The following CCDC9 variants were observed in gnomAD, a reference collection of about 807,000 sequenced individuals.
The protein encoded by CCDC9 is coiled-coil domain containing 9.
A neutral mutation model predicts 65.6 loss-of-function variants in CCDC9; 52 were observed. The ratio of observed to expected loss-of-function variants is 0.79; its 90% CI spans 0.63 to 1.00. CCDC9 has a LOEUF of 1.00. Ranked by LOEUF, CCDC9 falls within the 50% of genes least tolerant of loss-of-function variation. The pLI is 0.00. For synonymous variants in CCDC9, 332 were observed against 280.3 expected, an observed-to-expected ratio of 1.18 and a Z score of -1.84; for missense variants, 834 against 757.2, an observed-to-expected ratio of 1.10 and a Z score of -1.19.
chr19:47,272,399 G>A (rs2059129751), downstream of CCDC9, among the ~76,000 whole-genome samples: 1 of 152,104 alleles, frequency 6.6e-6, no homozygotes, highest in African/African-American at 2.4e-5. Context: ...AGGTTGAGGA[G>A]GTGGGGTTAA....
In CCDC9 at chr19:47,258,618, C is replaced by G; in HGVS notation, c.63C>G (p.Ile21Met). Residue 21 changes from isoleucine (I) to methionine (M), a missense_variant, in exon 3 of 12, where the codon ATC (isoleucine) becomes ATG (methionine). By Grantham distance (10) the Ile-to-Met change is conservative. Transcript: ENST00000221922. The stretch of plus-strand genomic sequence containing the variant: ...AGGATGCTGAGTTGGACAAGAGGAT[C>G]GAGGCTCTTCGGCGGAAGAATGAGG... ...EEKDAELDKRIEALRRKNEAL... is the reference protein window; with the variant it reads ...EEKDAELDKRMEALRRKNEAL... The G allele has an allele frequency of 6.2e-7, 1 of 1,614,136 alleles. No individual in the cohort carries two copies. The highest frequency in any genetic ancestry group is 8.5e-7 in the Non-Finnish European group (1 of 1,180,004).
At position 47,258,565 on chromosome 19, in the gene CCDC9, A is replaced by G; in HGVS notation, c.10A>G (p.Thr4Ala). 3 of 1,613,924 alleles carry G rather than the reference A, an allele frequency of 1.9e-6. No homozygotes were observed. Among genetic ancestry groups the G allele is most frequent in the Non-Finnish European group, 2.5e-6 (3 of 1,179,838 alleles). The change falls in exon 3 of 12, where the codon ACA becomes GCA. Residue 4 changes from threonine (T) to alanine (A), a missense_variant. Transcript: ENST00000221922. ...AACTGCCTCCCGGTCTCAGGCAGCC[A>G]CACTCGATTTGAAATCAAAGGAGGA... MAA[T>A]LDLKSKEEKD...
chr19:47,257,293 C>CG (rs1010781019), intron 1 of CCDC9, among the ~76,000 whole-genome samples: 128 of 133,598 alleles, frequency 9.6e-4, no homozygotes, highest in Admixed American at 3.7e-3. Context: ...CTGGGCAGGC[C>CG]GGGGGCGGGG....
At chr19:47,257,682 C>G (rs1291888130) in intron 1 of CCDC9, 2 of 153,572 alleles carry the variant, frequency 1.3e-5, no homozygotes, top group Non-Finnish European at 1.4e-5. Flanking sequence ...GTACAGAATC[C>G]TTTCGGGGGA....
chr19:47,264,734 C>T lies in CCDC9; in HGVS notation c.547-39C>T, dbSNP rs372655114. On this transcript the variant is annotated intron_variant, in intron 6 of 11. Transcript: ENST00000221922. ...AGGCAGGGCCGAGCTGCCTGGGCTG[C>T]GGGGAGCCCGCGCCAACCCCCTGCT... 217 of 1,602,214 alleles carry T rather than the reference C, an allele frequency of 1.4e-4. 1 individual carries two copies. The highest frequency in any genetic ancestry group is 1.7e-4 in the Non-Finnish European group (195 of 1,174,940).
chr19:47,266,516 C>T lies in CCDC9; in HGVS notation c.721-95C>T, dbSNP rs752538125. On this transcript the variant is annotated intron_variant, in intron 7 of 11. Transcript: ENST00000221922. Reference sequence around the variant, plus strand: ...TGTGATCTCTGCCTTGTCATCGCTTCCCTGTGTGATCCTGAGCAAGTGGAT... The same window carrying T: ...TGTGATCTCTGCCTTGTCATCGCTTTCCTGTGTGATCCTGAGCAAGTGGAT... 2.4e-4 allele frequency: 337 copies of T among 1,433,362 alleles called. 1 individual carries two copies. The highest frequency in any genetic ancestry group is 6.7e-4 in the South Asian group (44 of 65,702). The allele number at this position is 1,433,362 out of a possible 1,614,324, so 88.8% of individuals were successfully genotyped here. A position where few individuals can be genotyped will look rare whatever the true frequency, so the allele number is the denominator to read the frequency against.
chr19:47,266,934 T>C, intron 8 of CCDC9, 142 bp downstream of exon 8: 3 of 1,010,688 alleles, frequency 3.0e-6, no homozygotes, highest in African/African-American at 3.3e-5. Context: ...GACCAGCTGC[T>C]GGAGCTCAGC....
At chr19:47,262,659 G>C (rs893505284) in intron 5 of CCDC9, among the ~76,000 whole-genome samples, 3 of 152,166 alleles carry the variant, frequency 2.0e-5, no homozygotes, top group Admixed American at 1.3e-4. Context: ...TGTCCTGTTG[G>C]TGAGAACTTA....
chr19:47,258,187 T>C (rs2123438118), intron 1 of CCDC9, 143 bp from the exon 2 acceptor site: 1 of 598,996 alleles, frequency 1.7e-6, no homozygotes, highest in Non-Finnish European at 3.0e-6. Context: ...GAGGTGGCAG[T>C]TGAAAGGAGG....
At chr19:47,265,920 T>C (rs2059078632) in intron 7 of CCDC9, among the ~76,000 whole-genome samples, 1 of 147,108 alleles carries the variant, frequency 6.8e-6, no homozygotes, top group Non-Finnish European at 1.5e-5. Flanking sequence ...TCTCCTGACC[T>C]CGTGATCTGC....
intron 8 of CCDC9, among the ~76,000 whole-genome samples, chr19:47,269,705 G>A (rs1339725224): frequency 6.6e-6 from 1 of 152,110 alleles, no homozygotes; most frequent in East Asian, 1.9e-4. Context: ...GTGAGGGAGT[G>A]AGCCAGTGAA....
At chr19:47,257,064 GTGCTGGCGGGGAA>G (rs2059014933) in intron 1 of CCDC9, among the ~76,000 whole-genome samples, 1 of 149,830 alleles carries the variant, frequency 6.7e-6, no homozygotes, top group Non-Finnish European at 1.5e-5. Flanking sequence ...CGGGGCCAGG[GTGCTGGCGGGGAA>G]TGCTGGGGGT....
chr19:47,260,005 T>C (rs1387433623), intron 3 of CCDC9, among the ~76,000 whole-genome samples: 2 of 152,104 alleles, frequency 1.3e-5, no homozygotes, highest in Non-Finnish European at 2.9e-5. Flanking sequence ...GGTTTCAGCC[T>C]GGTATGTTGT....
chr19:47,268,979 G>A (rs756445128), intron 8 of CCDC9, among the ~76,000 whole-genome samples: 2 of 151,786 alleles, frequency 1.3e-5, no homozygotes, highest in Non-Finnish European at 2.9e-5. Context: ...GCTCATGCTT[G>A]TAATCCCCAC....
intron 2 of CCDC9, 57 bp from the exon 3 acceptor site, chr19:47,258,502 G>A: frequency 6.2e-7 from 1 of 1,605,008 alleles, no homozygotes; most frequent in South Asian, 1.1e-5. Flanking sequence ...CTGGGGGAAA[G>A]TCCCTGGTAT....
chr19:47,271,319 G>C lies in CCDC9; in HGVS notation c.1237G>C (p.Gly413Arg), dbSNP rs1179825274. The change falls in exon 12 of 12, where the codon GGG (glycine) becomes CGG (arginine). Residue 413 changes from glycine (G) to arginine (R), a missense_variant. Physicochemically the swap from Gly to Arg is moderately radical, Grantham distance 125 (BLOSUM62 -2). Transcript: ENST00000221922. Reference sequence around the variant, plus strand: ...TGCCCACCGGCCTCCTGAAGACGAGGGGGAAGAGAATGAGGGGGAAGAGGA... The same window carrying C: ...TGCCCACCGGCCTCCTGAAGACGAGCGGGAAGAGAATGAGGGGGAAGAGGA... The part of the protein sequence containing the change: ...APAHRPPEDE[G>R]EENEGEEDEE... 6 of 1,612,214 alleles carry C rather than the reference G, an allele frequency of 3.7e-6. No homozygotes were observed. Among genetic ancestry groups the C allele is most frequent in the Non-Finnish European group, 5.1e-6 (6 of 1,179,188 alleles).
At chr19:47,270,900 CCTG>C (rs2059112375) in intron 10 of CCDC9, among the ~76,000 whole-genome samples, 179 bp from the exon 11 acceptor site, 1 of 152,116 alleles carries the variant, frequency 6.6e-6, no homozygotes, top group Non-Finnish European at 1.5e-5. Flanking sequence ...CATCTCCTCT[CCTG>C]CTACCTGCCC....
chr19:47,271,102 A>G lies in CCDC9; in HGVS notation c.1106A>G (p.Glu369Gly), dbSNP rs2059113450. The change falls in exon 11 of 12, where the codon GAG (glutamate) becomes GGG (glycine). Residue 369 changes from glutamate to glycine, a missense_variant. Coordinates refer to ENST00000221922, the MANE Select transcript of CCDC9 (RefSeq NM_015603.3). Reference protein sequence around the residue: ...RAYSDHDDRWETKEGAASPAP... With the variant: ...RAYSDHDDRWGTKEGAASPAP... Reference sequence around the variant, plus strand: ...TCTAGTGACCATGATGACCGCTGGGAGACAAAAGAAGGGGCAGCATCCCCA... The same window carrying G: ...TCTAGTGACCATGATGACCGCTGGGGGACAAAAGAAGGGGCAGCATCCCCA... The G allele has an allele frequency of 1.2e-5, 19 of 1,559,506 alleles. No individual in the cohort carries two copies. The highest frequency in any genetic ancestry group is 1.6e-5 in the Non-Finnish European group (18 of 1,153,656).
At chr19:47,258,782 A>G in intron 3 of CCDC9, 119 bp downstream of exon 3, 2 of 718,452 alleles carry the variant, frequency 2.8e-6, no homozygotes, top group South Asian at 3.2e-5. Context: ...ATAAAGGCCA[A>G]AGGCCTTAGC....
Sources: gnomAD v4.1 joint callset for allele counts (sites outside exome capture counted in the v4.1 genomes callset) on GRCh38, gnomAD v4.1.1 for gene constraint, MANE v1.5 for transcripts, NCBI Gene and HGNC (gene_info 2026-07-23, HGNC 2026-07-21) for gene names.